CDH11: variants seen among roughly 807,000 people sequenced by gnomAD.
CDH11 encodes cadherin-11.
In CDH11, 11 loss-of-function variants were observed where a neutral mutation model predicts 67.8. The observed-to-expected ratio is 0.16, with a 90% confidence interval of 0.10 to 0.27. CDH11 has a LOEUF of 0.27. CDH11 is among the 10% of genes least tolerant of loss of function. CDH11 has a pLI of 1.00. For synonymous variants in CDH11, 419 were observed against 400.0 expected (o/e 1.05, Z -0.57); for missense variants, 847 against 1,031.2 (o/e 0.82, Z 2.45).
At chr16:65,076,942 C>T (rs752952117) in intron 1 of CDH11, among the ~76,000 whole-genome samples, 6 of 151,890 alleles carry the variant, frequency 4.0e-5, no homozygotes, top group Non-Finnish European at 7.4e-5. Context: ...TCCGAGACAC[C>T]GAAGCAGGGA....
At chr16:65,056,670 G>A (rs189061082) in intron 1 of CDH11, among the ~76,000 whole-genome samples, 2 of 152,262 alleles carry the variant, frequency 1.3e-5, no homozygotes, top group Non-Finnish European at 2.9e-5. Context: ...AAAGTGTACA[G>A]CCAATAATGC....
intron 2 of CDH11, among the ~76,000 whole-genome samples, chr16:65,006,492 T>C (rs1303718863): frequency 1.3e-5 from 2 of 152,170 alleles, no homozygotes; most frequent in East Asian, 3.9e-4. Context: ...CAATCTGGGT[T>C]ACTCTGGGCA....
At chr16:65,085,229 C>T (rs940144408) in intron 1 of CDH11, among the ~76,000 whole-genome samples, 1 of 152,190 alleles carries the variant, frequency 6.6e-6, no homozygotes, top group Admixed American at 6.5e-5. Flanking sequence ...TTATTTCTAA[C>T]CATTCTTGCC....
intron 1 of CDH11, among the ~76,000 whole-genome samples, chr16:65,061,434 C>A (rs939913026): frequency 2.0e-5 from 3 of 152,122 alleles, no homozygotes; most frequent in African/African-American, 7.2e-5. Context: ...ATAATGTACT[C>A]ATTTGGCACA....
chr16:65,096,194 C>T (rs999009224), intron 1 of CDH11, among the ~76,000 whole-genome samples: 7 of 152,050 alleles, frequency 4.6e-5, no homozygotes, highest in African/African-American at 1.4e-4. Context: ...TGTAATACTT[C>T]CAGTGAAGTA....
intron 1 of CDH11, among the ~76,000 whole-genome samples, chr16:65,086,392 T>A (rs2074699900): frequency 6.6e-6 from 1 of 152,094 alleles, no homozygotes; most frequent in Admixed American, 6.6e-5. Flanking sequence ...CTCAAGAAAA[T>A]GCATTCTTAA....
chr16:65,051,036 A>C (rs2074047672), intron 2 of CDH11, among the ~76,000 whole-genome samples: 1 of 152,174 alleles, frequency 6.6e-6, no homozygotes, highest in Non-Finnish European at 1.5e-5. Context: ...GGAGGGATGC[A>C]CTTCCTCTGC....
rs55992835 is a variant in CDH11, at chr16:64,965,771, A to AACACACACAC, written c.1642+5798_1642+5807dup. Among the ~76,000 whole-genome samples, 113 of 146,080 alleles carry AACACACACAC rather than the reference A, an allele frequency of 7.7e-4. 1 individual carries two copies. Among genetic ancestry groups the AACACACACAC allele is most frequent in the Non-Finnish European group, 1.2e-3 (82 of 66,758 alleles). The stretch of plus-strand genomic sequence containing the variant: ...CAAGACATTGTTATGCGGTGCATGA[A>AACACACACAC]ACACACACACACACACACACACACA... On this transcript the variant is annotated intron_variant, in intron 11 of 12. Transcript: ENST00000268603.
chr16:65,024,153 G>C (rs2073486106), intron 2 of CDH11, among the ~76,000 whole-genome samples: 1 of 152,082 alleles, frequency 6.6e-6, no homozygotes, highest in African/African-American at 2.4e-5. Context: ...AATTTGATAA[G>C]GGCACTTTCT....
intron 2 of CDH11, among the ~76,000 whole-genome samples, chr16:65,037,589 A>T (rs931722690): frequency 1.3e-5 from 2 of 152,160 alleles, no homozygotes; most frequent in Non-Finnish European, 2.9e-5. Context: ...TTATTGGATG[A>T]TTGTAATAAC....
At position 64,946,953 on chromosome 16, in the gene CDH11, A is replaced by T. The variant is rs1305487138; in HGVS notation, c.*650T>A. ...AAGAACTTTAAAATTGTACAAATAG[A>T]TACATTAAAAATGACATAGAAATAG... On this transcript the variant is annotated 3_prime_UTR_variant, in exon 13 of 13. Coordinates refer to ENST00000268603, the MANE Select transcript of CDH11 (RefSeq NM_001797.4). 1.1e-6 allele frequency: 1 copy of T among 894,878 alleles called. No homozygotes were observed. Among genetic ancestry groups the T allele is most frequent in the East Asian group, 6.9e-5 (1 of 14,544 alleles). 55.4% of individuals were successfully genotyped at this position (894,878 alleles called of 1,614,324 possible).
At chr16:64,962,647 T>G (rs1207847731) in intron 11 of CDH11, among the ~76,000 whole-genome samples, 3 of 152,058 alleles carry the variant, frequency 2.0e-5, no homozygotes, top group Admixed American at 2.0e-4. Flanking sequence ...TCACAGTGAA[T>G]ATTAGAGAAA....
At chr16:65,051,961 T>C (rs2074063605) in intron 2 of CDH11, among the ~76,000 whole-genome samples, 1 of 152,204 alleles carries the variant, frequency 6.6e-6, no homozygotes, top group Admixed American at 6.5e-5. Flanking sequence ...GATTGAGTTT[T>C]CTCATTTATA....
At chr16:65,105,383 G>A (rs914036773) in intron 1 of CDH11, among the ~76,000 whole-genome samples, 1 of 152,080 alleles carries the variant, frequency 6.6e-6, no homozygotes, top group Non-Finnish European at 1.5e-5. Context: ...GGAGCACTTG[G>A]ATCTAGCCTA....
intron 2 of CDH11, among the ~76,000 whole-genome samples, chr16:65,046,856 C>A (rs763279232): frequency 4.6e-5 from 7 of 152,092 alleles, no homozygotes; most frequent in Non-Finnish European, 8.8e-5. Context: ...GCTTGTAATT[C>A]CAGCACTTTG....
chr16:65,005,881 A>G (rs531886079), intron 2 of CDH11, among the ~76,000 whole-genome samples: 1 of 152,236 alleles, frequency 6.6e-6, no homozygotes, highest in East Asian at 1.9e-4. Context: ...TGTTCCCAGC[A>G]CCCAGCCATG....
rs897931223 is a variant in CDH11 at position 65,121,159 on chromosome 16, A to T, written c.-298+721T>A. ...AGGCGAGCCCGAGTCTGGGCCGCTC[A>T]TGGACCTACTCCTGCGCTGGTGGGA... On this transcript the variant is annotated intron_variant, in intron 1 of 12. Transcript: ENST00000268603. The surrounding 1 kb of genome is among the most constrained non-coding windows in gnomAD (Gnocchi z 4.1). 1.3e-5 allele frequency among the ~76,000 whole-genome samples: 2 copies of T among 152,180 alleles called. No individual in the cohort carries two copies. The highest frequency in any genetic ancestry group is 2.9e-5 in the Non-Finnish European group (2 of 68,036).
chr16:65,085,232 T>C (rs906689188), intron 1 of CDH11, among the ~76,000 whole-genome samples: 2 of 152,162 alleles, frequency 1.3e-5, no homozygotes, highest in African/African-American at 4.8e-5. Context: ...TTTCTAACCA[T>C]TCTTGCCCCT....
At chr16:65,112,991 T>TA (rs747310019) in intron 1 of CDH11, among the ~76,000 whole-genome samples, 1 of 152,096 alleles carries the variant, frequency 6.6e-6, no homozygotes, top group Non-Finnish European at 1.5e-5. Context: ...AATAATCAAT[T>TA]AAAAAATGAC....
Sources: gnomAD v4.1 joint callset for allele counts (sites outside exome capture counted in the v4.1 genomes callset) on GRCh38, gnomAD v4.1.1 for gene constraint, Gnocchi (gnomAD v3.1) non-coding constraint, MANE v1.5 for transcripts, NCBI Gene and HGNC (gene_info 2026-07-23, HGNC 2026-07-21) for gene names.